The following DTNA variants were observed in gnomAD, a reference collection of about 807,000 sequenced individuals.
DTNA encodes dystrophin-related protein 3.
Under a neutral mutation model 100.7 loss-of-function variants are expected in DTNA, and 43 were observed. The ratio of observed to expected loss-of-function variants is 0.43; its 90% CI spans 0.33 to 0.55. The LOEUF is 0.55. Ranked by LOEUF, DTNA falls within the 20% of genes least tolerant of loss-of-function variation. DTNA has a pLI of 0.04. For missense variants in DTNA, 798 were observed against 953.9 expected (o/e 0.84, Z 2.15); for synonymous variants, 349 against 347.9 (o/e 1.00, Z -0.04).
chr18:34,662,493 T>G (rs544343656), intron 1 of DTNA, among the ~76,000 whole-genome samples: 14 of 152,260 alleles, frequency 9.2e-5, no homozygotes, highest in African/African-American at 3.1e-4. Flanking sequence ...CTCTCATGAC[T>G]GATTACCCAA....
intron 1 of DTNA, among the ~76,000 whole-genome samples, chr18:34,705,292 C>G (rs1259079314): frequency 6.6e-6 from 1 of 151,900 alleles, no homozygotes; most frequent in Non-Finnish European, 1.5e-5. Context: ...TGGGTTGTCC[C>G]TGATAAAAAA....
Position 34,623,023 on chromosome 18 carries a change from ACT to A in DTNA, c.-2+129514_-2+129515del, listed in dbSNP as rs1324300419. Among the ~76,000 whole-genome samples, 5 of 152,012 alleles carry A rather than the reference ACT, an allele frequency of 3.3e-5. No homozygotes were observed. In the South Asian group the frequency reaches 1.0e-3, roughly 32 times the overall value. On this transcript the variant is annotated intron_variant, in intron 1 of 19. Transcript: ENST00000283365. ...GACTAATACAGATGGGTAACATCAG[ACT>A]CTCTTAAAAATAGGAAATATTTTTC...
intron 1 of DTNA, among the ~76,000 whole-genome samples, chr18:34,712,318 T>C (rs570018455): frequency 1.6e-4 from 25 of 152,200 alleles, no homozygotes; most frequent in African/African-American, 5.3e-4. Context: ...GGGAAATTAC[T>C]AAAAAGTATT....
chr18:34,698,037 C>T (rs985468890), intron 1 of DTNA, among the ~76,000 whole-genome samples: 5 of 152,232 alleles, frequency 3.3e-5, no homozygotes, highest in African/African-American at 1.2e-4. Context: ...TCACACAATG[C>T]GTCATCTGCT....
chr18:34,508,245 G>T (rs1206844356), intron 1 of DTNA, among the ~76,000 whole-genome samples: 1 of 152,184 alleles, frequency 6.6e-6, no homozygotes, highest in Non-Finnish European at 1.5e-5. Context: ...TTGGAGGTGA[G>T]AGTGGGGGTG....
chr18:34,664,783 T>C (rs1229697564), intron 1 of DTNA, among the ~76,000 whole-genome samples: 2 of 152,116 alleles, frequency 1.3e-5, no homozygotes, highest in African/African-American at 2.4e-5. Flanking sequence ...ATTTTTAAAG[T>C]TTATAAGTTT....
At chr18:34,498,258 A>G (rs542047599) in intron 1 of DTNA, among the ~76,000 whole-genome samples, 2 of 152,056 alleles carry the variant, frequency 1.3e-5, no homozygotes, top group African/African-American at 4.8e-5. Context: ...TACTAAAAAT[A>G]CGAAAACAAA....
intron 2 of DTNA, among the ~76,000 whole-genome samples, chr18:34,756,415 A>C (rs968969979): frequency 6.6e-6 from 1 of 152,178 alleles, no homozygotes; most frequent in Admixed American, 6.5e-5. Context: ...CAGCTGGCAT[A>C]TTGTAGGCAC....
chr18:34,521,841 C>A (rs2042178225), intron 1 of DTNA, among the ~76,000 whole-genome samples: 1 of 152,158 alleles, frequency 6.6e-6, no homozygotes, highest in South Asian at 2.1e-4. Flanking sequence ...TTCCTCATAG[C>A]CTTCTTTACT....
intron 1 of DTNA, among the ~76,000 whole-genome samples, chr18:34,576,037 C>T (rs1262167088): frequency 6.6e-6 from 1 of 152,170 alleles, no homozygotes; most frequent in Non-Finnish European, 1.5e-5. Flanking sequence ...CCATGATGTT[C>T]TTTCTCCCTA....
intron 1 of DTNA, among the ~76,000 whole-genome samples, chr18:34,576,093 T>C (rs2849494): frequency 0.092 from 14,016 of 152,196 alleles, 634 homozygotes; most frequent in South Asian, 0.11. Flanking sequence ...ATGAGAGCTG[T>C]CCATAGAACC....
chr18:34,543,829 G>T (rs967778627), intron 1 of DTNA, among the ~76,000 whole-genome samples: 3 of 152,112 alleles, frequency 2.0e-5, no homozygotes, highest in Non-Finnish European at 4.4e-5. Flanking sequence ...CACTGAAAGT[G>T]CTTTTCAACT....
At chr18:34,532,774 G>GTGTA (rs1000187976) in intron 1 of DTNA, among the ~76,000 whole-genome samples, 1 of 151,142 alleles carries the variant, frequency 6.6e-6, no homozygotes, top group African/African-American at 2.4e-5. Context: ...ATATATATGT[G>GTGTA]TGTGTGTGTA....
chr18:34,665,216 C>T, intron 1 of DTNA, among the ~76,000 whole-genome samples: 1 of 151,974 alleles, frequency 6.6e-6, no homozygotes, highest in Non-Finnish European at 1.5e-5. Flanking sequence ...AAGCAACCAC[C>T]CATATTTTGC....
At chr18:34,634,349 A>T (rs1173607450) in intron 1 of DTNA, among the ~76,000 whole-genome samples, 3 of 152,154 alleles carry the variant, frequency 2.0e-5, no homozygotes, top group Non-Finnish European at 4.4e-5. Flanking sequence ...GAAATTTAAA[A>T]TTTTTTTACT....
intron 1 of DTNA, among the ~76,000 whole-genome samples, chr18:34,500,697 C>T (rs1305305631): frequency 6.6e-6 from 1 of 151,918 alleles, no homozygotes; most frequent in Non-Finnish European, 1.5e-5. Flanking sequence ...CTCCTGACCT[C>T]AGGTGATCCA....
intron 1 of DTNA, among the ~76,000 whole-genome samples, chr18:34,512,521 C>G (rs2041193460): frequency 6.6e-6 from 1 of 152,024 alleles, no homozygotes; most frequent in Admixed American, 6.6e-5. Context: ...AACTCCTCAG[C>G]ATAAACATTA....
chr18:34,804,523 A>G (rs887717809), intron 4 of DTNA, among the ~76,000 whole-genome samples: 1 of 152,206 alleles, frequency 6.6e-6, no homozygotes, highest in African/African-American at 2.4e-5. Context: ...GAGTCCTTCA[A>G]ACATTTGTTC....
intron 1 of DTNA, among the ~76,000 whole-genome samples, chr18:34,655,842 GGAATA>G (rs1164277068): frequency 1.4e-4 from 21 of 152,264 alleles, no homozygotes; most frequent in African/African-American, 5.1e-4. Context: ...ACGTTGCTAT[GGAATA>G]GACAGACTTT....
Sources: gnomAD v4.1 joint callset for allele counts (sites outside exome capture counted in the v4.1 genomes callset) on GRCh38, gnomAD v4.1.1 for gene constraint, MANE v1.5 for transcripts, NCBI Gene and HGNC (gene_info 2026-07-23, HGNC 2026-07-21) for gene names.